RBMS3: variants seen among roughly 807,000 people sequenced by gnomAD.
RBMS3 encodes RNA binding motif single stranded interacting protein 3.
Under a neutral mutation model 66.8 loss-of-function variants are expected in RBMS3, and 27 were observed. The observed-to-expected ratio is 0.40, with a 90% confidence interval of 0.30 to 0.56. RBMS3 has a LOEUF of 0.56. Ranked by LOEUF, RBMS3 falls within the 20% of genes least tolerant of loss-of-function variation. The pLI, the probability that RBMS3 is intolerant of heterozygous loss-of-function variation, is 0.40. For missense variants in RBMS3, 513 were observed against 549.5 expected, an observed-to-expected ratio of 0.93 and a Z score of 0.66; for synonymous variants, 188 against 183.0, an observed-to-expected ratio of 1.03 and a Z score of -0.22.
At chr3:29,441,890 A>G (rs556521071) in intron 2 of RBMS3, among the ~76,000 whole-genome samples, 63 of 152,296 alleles carry the variant, frequency 4.1e-4, no homozygotes, top group African/African-American at 1.4e-3. Context: ...TAGCAATTTC[A>G]TGGGACCTAC....
chr3:29,481,551 C>A (rs75296663), intron 2 of RBMS3, among the ~76,000 whole-genome samples: 4 of 152,034 alleles, frequency 2.6e-5, no homozygotes, highest in East Asian at 1.9e-4. Context: ...TGAAGTAGAG[C>A]GGTGGATCCT....
chr3:29,421,762 C>T (rs1465416545), intron 1 of RBMS3, among the ~76,000 whole-genome samples: 4 of 152,146 alleles, frequency 2.6e-5, no homozygotes, highest in Non-Finnish European at 5.9e-5. Context: ...ATAATACCAA[C>T]TAAACCTAAT....
intron 8 of RBMS3, among the ~76,000 whole-genome samples, chr3:29,894,887 C>A (rs928059818): frequency 6.6e-6 from 1 of 151,356 alleles, no homozygotes; most frequent in African/African-American, 2.4e-5. Context: ...GAGAAGTGAG[C>A]ATTTTAGGTA....
intron 3 of RBMS3, among the ~76,000 whole-genome samples, chr3:29,584,396 G>T (rs749806124): frequency 1.3e-5 from 2 of 151,934 alleles, no homozygotes; most frequent in Non-Finnish European, 2.9e-5. Context: ...GGGCATTTTT[G>T]ACTATTTCCT....
chr3:29,358,318 C>A (rs1256978913), intron 1 of RBMS3, among the ~76,000 whole-genome samples: 1 of 152,144 alleles, frequency 6.6e-6, no homozygotes, highest in Non-Finnish European at 1.5e-5. Flanking sequence ...TTACCCATTT[C>A]TTGATTTTGT....
At chr3:29,689,008 T>C (rs1456102133) in intron 4 of RBMS3, among the ~76,000 whole-genome samples, 1 of 152,146 alleles carries the variant, frequency 6.6e-6, no homozygotes, top group African/African-American at 2.4e-5. Context: ...TGTTATCTAC[T>C]AAACCTGTAC....
At chr3:29,642,418 ATC>A (rs1423275361) in intron 4 of RBMS3, among the ~76,000 whole-genome samples, 1 of 152,104 alleles carries the variant, frequency 6.6e-6, no homozygotes, top group Non-Finnish European at 1.5e-5. Context: ...GAAACTTTGT[ATC>A]TCTATTATAA....
At chr3:29,713,535 G>C in intron 4 of RBMS3, among the ~76,000 whole-genome samples, 1 of 152,152 alleles carries the variant, frequency 6.6e-6, no homozygotes, top group East Asian at 1.9e-4. Context: ...TTCTATACCA[G>C]AAGAAAAGCA....
chr3:29,359,544 G>A (rs992821636), intron 1 of RBMS3, among the ~76,000 whole-genome samples: 4 of 152,146 alleles, frequency 2.6e-5, no homozygotes, highest in African/African-American at 7.2e-5. Context: ...TTGGTATCAG[G>A]ATGATGCTGG....
At position 30,007,693 on chromosome 3, in the gene RBMS3, A is replaced by G. The variant is rs2125411793; in HGVS notation, c.*3831A>G. 1.3e-5 allele frequency: 2 copies of G among 152,168 alleles called. No homozygotes were observed. Among genetic ancestry groups the G allele is most frequent in the Admixed American group, 1.3e-4 (2 of 15,260 alleles). The allele number at this position is 152,168 out of a possible 1,614,324, so 9.4% of individuals were successfully genotyped here. On this transcript the variant is annotated 3_prime_UTR_variant, in exon 15 of 15. Coordinates refer to ENST00000383767, the MANE Select transcript of RBMS3 (RefSeq NM_001003793.3). The stretch of plus-strand genomic sequence containing the variant: ...TGACAGTTTGTCCTTGAATGCTGAC[A>G]TGTCTTGAATATTGCAAATGTCATA...
intron 4 of RBMS3, among the ~76,000 whole-genome samples, chr3:29,638,911 GACT>G (rs1204586557): frequency 2.0e-5 from 3 of 151,810 alleles, no homozygotes; most frequent in Non-Finnish European, 4.4e-5. Context: ...TGTAAATTAA[GACT>G]ACATTTTTTA....
chr3:29,743,782 A>C (rs2054743751), intron 5 of RBMS3, among the ~76,000 whole-genome samples: 1 of 148,942 alleles, frequency 6.7e-6, no homozygotes, highest in Non-Finnish European at 1.5e-5. Context: ...TTTAGGGTAC[A>C]TGTGCACAAT....
intron 10 of RBMS3, among the ~76,000 whole-genome samples, chr3:29,925,478 C>T (rs964229081): frequency 2.6e-5 from 4 of 152,034 alleles, no homozygotes; most frequent in African/African-American, 9.7e-5. Context: ...AGGCAGAAAT[C>T]GTATGGAGAT....
intron 5 of RBMS3, 85 bp from the exon 6 acceptor site, chr3:29,762,825 C>T (rs917442729): frequency 9.6e-6 from 9 of 941,606 alleles, no homozygotes; most frequent in African/African-American, 1.7e-5. Flanking sequence ...TCAAGTATTT[C>T]TATGGCTTTC....
At chr3:29,623,531 T>C (rs2048951738) in intron 4 of RBMS3, among the ~76,000 whole-genome samples, 1 of 150,570 alleles carries the variant, frequency 6.6e-6, no homozygotes, top group South Asian at 2.1e-4. Context: ...GATGGAGCTT[T>C]TGCAGTGAGC....
intron 1 of RBMS3, among the ~76,000 whole-genome samples, chr3:29,348,201 T>G (rs1449358754): frequency 1.3e-5 from 2 of 152,230 alleles, no homozygotes; most frequent in Non-Finnish European, 2.9e-5. Flanking sequence ...TGGAAATTTA[T>G]TTTTTTCCTC....
chr3:29,825,272 G>T (rs1215983233), intron 6 of RBMS3, among the ~76,000 whole-genome samples: 1 of 151,956 alleles, frequency 6.6e-6, no homozygotes, highest in Non-Finnish European at 1.5e-5. Flanking sequence ...CCTGACCTCA[G>T]GTTATCCACC....
chr3:29,485,381 CT>C (rs11291164), intron 2 of RBMS3, among the ~76,000 whole-genome samples: 31,174 of 152,016 alleles, frequency 0.21, 4,232 homozygotes, highest in African/African-American at 0.38. Context: ...AAAGCATACT[CT>C]TTAGAATATA....
chr3:29,401,049 A>C (rs1011736672), intron 1 of RBMS3, among the ~76,000 whole-genome samples: 3 of 152,032 alleles, frequency 2.0e-5, no homozygotes, highest in Admixed American at 6.6e-5. Flanking sequence ...AGTGCAAATA[A>C]TGTGTGGGAG....
Sources: gnomAD v4.1 joint callset for allele counts (sites outside exome capture counted in the v4.1 genomes callset) on GRCh38, gnomAD v4.1.1 for gene constraint, MANE v1.5 for transcripts, NCBI Gene and HGNC (gene_info 2026-07-23, HGNC 2026-07-21) for gene names.